The following PCNT variants were observed in gnomAD, a reference collection of about 807,000 sequenced individuals.
The protein encoded by PCNT is pericentrin, also known as kendrin.
PCNT carries 319 observed loss-of-function variants against 380.4 expected under a neutral mutation model. The observed-to-expected ratio is 0.84, with a 90% CI of 0.77 to 0.92. The LOEUF (loss-of-function observed/expected upper bound fraction) is 0.92, where lower values mean the gene tolerates loss of function less well. Ranked by LOEUF, PCNT falls within the 40% of genes least tolerant of loss-of-function variation. The probability of loss-of-function intolerance (pLI) is 0.00; values close to 1 mark genes in which losing one functional copy is unlikely to be tolerated. For synonymous variants in PCNT, 1,845 were observed against 1,735.2 expected (o/e 1.06, Z -1.57); for missense variants, 4,400 against 4,255.3 (o/e 1.03, Z -0.95).
intron 21 of PCNT, among the ~76,000 whole-genome samples, chr21:46,395,974 T>A (rs2086196236): frequency 6.6e-6 from 1 of 151,556 alleles, no homozygotes; most frequent in Admixed American, 6.6e-5. Context: ...AGGCACTCCA[T>A]CTCAGAAATA....
Position 46,391,274 on chromosome 21 carries a change from C to T in PCNT, c.4114C>T (p.Leu1372=). The T allele has an allele frequency of 6.3e-7, 1 of 1,592,570 alleles. No individual in the cohort carries two copies. Among genetic ancestry groups the T allele is most frequent in the Non-Finnish European group, 8.5e-7 (1 of 1,169,914 alleles). Residue 1372 remains leucine, a synonymous_variant, in exon 21 of 47, where the codon CTG becomes TTG. Transcript: ENST00000359568. ...VLELESLRRQ[L]QQAAQEQAAL... ...GGAGCTGGAGAGCCTGAGACGGCAG[C>T]TGCAGCAGGCGGCCCAGGAGCAGGC...
At chr21:46,347,574 G>A (rs573886125) in intron 6 of PCNT, 62 bp downstream of exon 6, 3 of 1,508,466 alleles carry the variant, frequency 2.0e-6, no homozygotes, top group East Asian at 2.3e-5. Flanking sequence ...TTCTCGCCAG[G>A]TCCCATGAGA....
chr21:46,394,445 C>T (rs924703442), intron 21 of PCNT: 77 of 850,870 alleles, frequency 9.0e-5, no homozygotes, highest in Non-Finnish European at 9.8e-5. Flanking sequence ...TTCTAGCTCT[C>T]ACATTCTCAG....
At position 46,437,012 on chromosome 21, in the gene PCNT, A is replaced by G. The variant is rs138791485; in HGVS notation, c.9030A>G (p.Lys3010=). 1.6e-5 allele frequency: 26 copies of G among 1,613,972 alleles called. No individual in the cohort carries two copies. In the African/African-American group the frequency reaches 3.1e-4, roughly 19 times the overall value. Residue 3010 remains lysine, a synonymous_variant, in exon 40 of 47, where the codon AAA becomes AAG. Transcript: ENST00000359568. Reference sequence around the variant, plus strand: ...ATGATTGGACGTCATCCAATGAGAAAGCAGTGATGTCTTTACTGCACACGT... The same window carrying G: ...ATGATTGGACGTCATCCAATGAGAAGGCAGTGATGTCTTTACTGCACACGT... The part of the protein sequence containing the change: ...TVNDWTSSNE[K]AVMSLLHTLE...
intron 39 of PCNT, among the ~76,000 whole-genome samples, chr21:46,436,366 C>T (rs564279109): frequency 4.0e-5 from 6 of 151,652 alleles, no homozygotes; most frequent in South Asian, 2.1e-4. Flanking sequence ...ATTCAAAATA[C>T]GCCTGACGTG....
rs747905272 is a variant in PCNT at position 46,349,826 on chromosome 21, C to T, written c.1344+6C>T. The stretch of plus-strand genomic sequence containing the variant: ...AGAAAGAAAAACAGCTGGAGGTGGG[C>T]AGCAGCTTCGTTATTTAATTACTTG... On this transcript the variant is annotated splice_donor_region_variant and intron_variant, in intron 8 of 46. Transcript: ENST00000359568. 1 of 1,613,788 alleles carries T rather than the reference C, an allele frequency of 6.2e-7. No individual in the cohort carries two copies. The highest frequency in any genetic ancestry group is 2.2e-5 in the East Asian group (1 of 44,882).
chr21:46,401,919 C>T (rs963880598), intron 26 of PCNT, among the ~76,000 whole-genome samples, 198 bp downstream of exon 26: 5 of 152,282 alleles, frequency 3.3e-5, no homozygotes, highest in African/African-American at 4.8e-5. Context: ...GGTGCAGTCT[C>T]GGCTCACTGC....
At chr21:46,439,896 T>G (rs185958045) in intron 41 of PCNT, among the ~76,000 whole-genome samples, 187 bp from the exon 42 acceptor site, 81 of 152,340 alleles carry the variant, frequency 5.3e-4, no homozygotes, top group African/African-American at 1.9e-3. Flanking sequence ...ATTCTTTGGC[T>G]GATCACAGCA....
rs1276427912 is a variant in PCNT, at chr21:46,346,183, A to G, written c.695A>G (p.Asp232Gly). 6.4e-7 allele frequency: 1 copy of G among 1,553,856 alleles called. No homozygotes were observed. The highest frequency in any genetic ancestry group is 1.1e-5 in the South Asian group (1 of 90,280). ...ACTGACCTGGAGAGCGGCCGTGAAG[A>G]TGAGGCTGGCCTGCATCAGAGTCAG... is the stretch of plus-strand genomic sequence containing the variant. ...AITDLESGRE[D>G]EAGLHQSQAV... Residue 232 changes from aspartate to glycine, a missense_variant, in exon 4 of 47, where the codon GAT becomes GGT. Transcript: ENST00000359568.
intron 15 of PCNT, among the ~76,000 whole-genome samples, chr21:46,380,312 CCACCA>C (rs1019143964): frequency 3.3e-5 from 5 of 151,736 alleles, no homozygotes; most frequent in African/African-American, 1.2e-4. Flanking sequence ...CAGGTGCCCA[CCACCA>C]CACCCAGCTA....
Position 46,428,491 on chromosome 21 carries a change from A to T in PCNT, c.7591A>T (p.Thr2531Ser). 1 of 1,612,278 alleles carries T rather than the reference A, an allele frequency of 6.2e-7. No individual in the cohort carries two copies. The highest frequency in any genetic ancestry group is 8.5e-7 in the Non-Finnish European group (1 of 1,179,798). ...GGCGCTGCGTGCCCAGCTGCGCATG[A>T]CGCACCTGCAGAACCAGGAGAAGCT... ...IQALRAQLRMTHLQNQEKLQH... is the reference protein window; with the variant it reads ...IQALRAQLRMSHLQNQEKLQH... The change falls in exon 35 of 47, where the codon ACG becomes TCG. Residue 2531 changes from threonine (T) to serine (S), a missense_variant. Coordinates refer to ENST00000359568, the MANE Select transcript of PCNT (RefSeq NM_006031.6).
intron 40 of PCNT, among the ~76,000 whole-genome samples, chr21:46,437,946 C>G (rs894670357): frequency 7.9e-5 from 12 of 152,368 alleles, no homozygotes; most frequent in African/African-American, 2.9e-4. Flanking sequence ...ACCAAACGGG[C>G]TATGCTTTGT....
At position 46,367,010 on chromosome 21, in the gene PCNT, G is replaced by A. The variant is rs966557817; in HGVS notation, c.3036G>A (p.Leu1012=). Residue 1012 remains leucine, a synonymous_variant, in exon 15 of 47, where the codon TTG becomes TTA. Transcript: ENST00000359568. ...AGGACTCTCTTCACCAAACGATTTT[G>A]ACTCAAGAGTTGGAGAAACTGAAGC... ...WKKDSLHQTI[L]TQELEKLKRK... The A allele has an allele frequency of 1.7e-5, 28 of 1,614,190 alleles. No homozygotes were observed. Among genetic ancestry groups the A allele is most frequent in the Non-Finnish European group, 2.2e-5 (26 of 1,180,052 alleles).
intron 32 of PCNT, among the ~76,000 whole-genome samples, chr21:46,423,482 G>A (rs1436863803): frequency 6.6e-6 from 1 of 151,668 alleles, no homozygotes; most frequent in Non-Finnish European, 1.5e-5. Flanking sequence ...GAGCCACAGC[G>A]CCTGGCCTCA....
At chr21:46,341,270 T>C (rs1365263829) in intron 3 of PCNT, among the ~76,000 whole-genome samples, 1 of 152,066 alleles carries the variant, frequency 6.6e-6, no homozygotes, top group Non-Finnish European at 1.5e-5. Context: ...CTTCTCAGGA[T>C]CTTTTTTTGG....
intron 3 of PCNT, among the ~76,000 whole-genome samples, chr21:46,343,312 T>G (rs1569172913): frequency 6.6e-6 from 1 of 152,182 alleles, no homozygotes; most frequent in Non-Finnish European, 1.5e-5. Context: ...GTCCCTTCTA[T>G]GCCGATTTTG....
intron 32 of PCNT, among the ~76,000 whole-genome samples, chr21:46,424,623 G>A (rs1029842121): frequency 1.3e-5 from 2 of 152,210 alleles, no homozygotes; most frequent in Non-Finnish European, 2.9e-5. Context: ...TAAAAAGAAG[G>A]AAATGGCCTG....
chr21:46,388,765 G>C lies in PCNT; in HGVS notation c.3488G>C (p.Arg1163Pro). ...SERGALQDAL[R>P]RLLGLFGETL... ...AGAGGGGCCCTCCAGGACGCCCTGCGCAGGCTGCTGGGTTTGTTTGGAGAG... is the reference window on the plus strand; with the variant it reads ...AGAGGGGCCCTCCAGGACGCCCTGCCCAGGCTGCTGGGTTTGTTTGGAGAG... Residue 1163 changes from arginine (R) to proline (P), a missense_variant, in exon 18 of 47, where the codon CGC (arginine) becomes CCC (proline). Transcript: ENST00000359568. The surrounding 1 kb of genome is among the most constrained non-coding windows in gnomAD (Gnocchi z 4.2). 6.2e-7 allele frequency: 1 copy of C among 1,613,876 alleles called. No individual in the cohort carries two copies. The highest frequency in any genetic ancestry group is 2.2e-5 in the East Asian group (1 of 44,872).
At chr21:46,430,881 C>A (rs1380263508) in intron 37 of PCNT, 1 of 985,220 alleles carries the variant, frequency 1.0e-6, no homozygotes, top group Non-Finnish European at 1.2e-6. Context: ...TGGCACGATA[C>A]CCCTGCTCGG....
Sources: gnomAD v4.1 joint callset for allele counts (sites outside exome capture counted in the v4.1 genomes callset) on GRCh38, gnomAD v4.1.1 for gene constraint, Gnocchi (gnomAD v3.1) non-coding constraint, MANE v1.5 for transcripts, NCBI Gene and HGNC (gene_info 2026-07-23, HGNC 2026-07-21) for gene names.